The following MAP4K1 variants were observed in gnomAD, a reference collection of about 807,000 sequenced individuals.
MAP4K1 encodes the protein MAPK/ERK kinase kinase kinase 1.
Under a neutral mutation model 122.8 loss-of-function variants are expected in MAP4K1, and 35 were observed. That is an observed-to-expected ratio of 0.29 (90% CI 0.22 to 0.38). MAP4K1 has a LOEUF of 0.38. MAP4K1 is among the 10% of genes least tolerant of loss of function. MAP4K1 has a pLI of 1.00. For synonymous variants in MAP4K1, 412 were observed against 421.3 expected, an observed-to-expected ratio of 0.98 and a Z score of 0.27; for missense variants, 791 against 1,072.6, an observed-to-expected ratio of 0.74 and a Z score of 3.67.
In MAP4K1 at chr19:38,611,270, G is replaced by C. The variant is rs754637464; in HGVS notation, c.701C>G (p.Pro234Arg). The change falls in exon 10 of 31, where the codon CCT (proline) becomes CGT (arginine). Residue 234 changes from proline (P) to arginine (R), a missense_variant. By Grantham distance (103) the Pro-to-Arg change is moderately radical (BLOSUM62 -2). This residue lies in a region of MAP4K1 where 303 missense variants were observed against 344.8 expected (regional missense o/e 0.88). Transcript: ENST00000396857. ...TTTGCCTTTTTCCTTCAGTCGGGGA[G>C]GCTGGTAGCCACTCTTGGTCATGAG... is the stretch of plus-strand genomic sequence containing the variant. Reference protein sequence around the residue: ...LFLMTKSGYQPPRLKEKGKWS... With the variant: ...LFLMTKSGYQRPRLKEKGKWS... The C allele has an allele frequency of 1.2e-6, 2 of 1,613,696 alleles. No individual in the cohort carries two copies. The highest frequency in any genetic ancestry group is 1.7e-5 in the Admixed American group (1 of 60,002).
intron 20 of MAP4K1, among the ~76,000 whole-genome samples, chr19:38,600,403 T>G (rs1022700792): frequency 3.9e-5 from 6 of 152,122 alleles, no homozygotes; most frequent in African/African-American, 1.4e-4. Flanking sequence ...AACTGTCTTC[T>G]GAACCAAACT....
chr19:38,596,296 A>G lies in MAP4K1; in HGVS notation c.2116+16T>C, dbSNP rs921273123. 24 of 1,540,926 alleles carry G rather than the reference A, an allele frequency of 1.6e-5. No individual in the cohort carries two copies. Among genetic ancestry groups the G allele is most frequent in the Non-Finnish European group, 2.0e-5 (23 of 1,141,542 alleles). ...TCTGATAAGCCCCGCCCTCAGCAAG[A>G]CTCCGCCCCACTCACCGGTGCTCAT... On this transcript the variant is annotated intron_variant, in intron 26 of 30. Transcript: ENST00000396857.
rs765844225 is a variant in MAP4K1 at position 38,597,338 on chromosome 19, C to T, written c.1825G>A (p.Ala609Thr). 6.2e-7 allele frequency: 1 copy of T among 1,614,102 alleles called. No homozygotes were observed. The highest frequency in any genetic ancestry group is 1.6e-4 in the Middle Eastern group (1 of 6,062). The change falls in exon 24 of 31, where the codon GCG (alanine) becomes ACG (threonine). Residue 609 changes from alanine (A) to threonine (T), a missense_variant. This residue lies in a region of MAP4K1 where 267 missense variants were observed against 323.0 expected (regional missense o/e 0.83). Coordinates refer to ENST00000396857, the MANE Select transcript of MAP4K1 (RefSeq NM_001042600.3). The surrounding 1 kb of genome is among the most constrained non-coding windows in gnomAD (Gnocchi z 4.6). ...TKIQDTKGCR[A>T]CCVAEGASSG... ...AGCTCTCTCTCACCCACACAGCACG[C>T]CCGGCAGCCTTTGGTGTCCTGGATC...
Position 38,602,510 on chromosome 19 carries a change from G to GTACATATATACGCATA in MAP4K1, c.1447-1001_1447-986dup, listed in dbSNP as rs1423241933. ...TATACATATATACATATATACACGT[G>GTACATATATACGCATA]TACATATATACGCATATACATATAT... On this transcript the variant is annotated intron_variant, in intron 19 of 30. Transcript: ENST00000396857. Among the ~76,000 whole-genome samples the GTACATATATACGCATA allele has an allele frequency of 3.3e-3, 459 of 138,228 alleles. 3 individuals are homozygous for GTACATATATACGCATA. Among genetic ancestry groups the GTACATATATACGCATA allele is most frequent in the African/African-American group, 0.012 (433 of 36,002 alleles). The allele number at this position is 138,228 out of a possible 152,430, so 90.7% of individuals were successfully genotyped here.
rs755666368 is a variant in MAP4K1 at position 38,604,095 on chromosome 19, C to G, written c.1446+1314G>C. Among the ~76,000 whole-genome samples, 5 of 137,592 alleles carry G rather than the reference C, an allele frequency of 3.6e-5. No homozygotes were observed. The Admixed American group carries it at 3.9e-4, about 11-fold the overall frequency. The allele number at this position is 137,592 out of a possible 152,430, so 90.3% of individuals were successfully genotyped here. ...GAGCCATGATCGCGCCACTGCACTC[C>G]AGCAGCCTGGGCGACAGAGCGAGAT... On this transcript the variant is annotated intron_variant, in intron 19 of 30. Transcript: ENST00000396857.
In MAP4K1 at chr19:38,614,378, G is replaced by T. The variant is rs200832039; in HGVS notation, c.369+12C>A. The T allele has an allele frequency of 1.1e-5, 18 of 1,614,200 alleles. No homozygotes were observed. In the African/African-American group the frequency reaches 1.3e-4, roughly 12 times the overall value. ...CCCCTCCCATCCCCAGAATCCCCAGGCCTCTCCTTACCTGGAGCACTTCCC... is the reference window on the plus strand; with the variant it reads ...CCCCTCCCATCCCCAGAATCCCCAGTCCTCTCCTTACCTGGAGCACTTCCC... On this transcript the variant is annotated intron_variant, in intron 5 of 30. Transcript: ENST00000396857.
rs1164375691 is a variant in MAP4K1, at chr19:38,609,901, G to A, written c.927+8C>T. On this transcript the variant is annotated splice_region_variant and intron_variant, in intron 12 of 30. Transcript: ENST00000396857. ...GTCCCCAGTGCTCTTGTCAGCCAAG[G>A]CTCTCACCTCGGGCTCCTCATCCTC... 6.2e-7 allele frequency: 1 copy of A among 1,609,910 alleles called. No individual in the cohort carries two copies.
rs1026051548 is a variant in MAP4K1 at position 38,609,492 on chromosome 19, T to C, written c.1006+104A>G. 3.6e-5 allele frequency: 35 copies of C among 971,470 alleles called. No homozygotes were observed. The African/African-American group carries it at 5.6e-4, about 16-fold the overall frequency. The allele number at this position is 971,470 out of a possible 1,614,324, so 60.2% of individuals were successfully genotyped here. A position where few individuals can be genotyped will look rare whatever the true frequency, so the allele number is the denominator to read the frequency against. On this transcript the variant is annotated intron_variant, in intron 13 of 30. Transcript: ENST00000396857. ...AGATTGTCTGGGGTCTCTTATAGGA[T>C]CAGATGATGCTGAGGGTCTCTGGAG...
chr19:38,588,834 G>T (rs186493271), intron 30 of MAP4K1, among the ~76,000 whole-genome samples: 249 of 151,918 alleles, frequency 1.6e-3, no homozygotes, highest in African/African-American at 5.5e-3. Context: ...CAGGAGGATC[G>T]ATTGAACCTG....
chr19:38,605,302 A>G, intron 19 of MAP4K1, 107 bp downstream of exon 19: 1 of 860,200 alleles, frequency 1.2e-6, no homozygotes, highest in Non-Finnish European at 1.9e-6. Flanking sequence ...GAAGCGCTCA[A>G]CAAATGTCAC....
chr19:38,612,477 C>T (rs1015475718), intron 9 of MAP4K1, 134 bp downstream of exon 9: 5 of 504,746 alleles, frequency 9.9e-6, no homozygotes, highest in South Asian at 9.3e-5. Flanking sequence ...AATAGAGCTG[C>T]AGCACGTGCA....
chr19:38,613,516 C>A (rs1384703659), intron 8 of MAP4K1, among the ~76,000 whole-genome samples: 1 of 151,478 alleles, frequency 6.6e-6, no homozygotes, highest in East Asian at 1.9e-4. Context: ...CAGAGTGAGA[C>A]CCTGTCTCTA....
At chr19:38,612,066 C>A (rs1225505039) in intron 9 of MAP4K1, among the ~76,000 whole-genome samples, 3 of 151,846 alleles carry the variant, frequency 2.0e-5, no homozygotes, top group African/African-American at 7.3e-5. Context: ...CCACTGCACT[C>A]CAGCCTGGGC....
At chr19:38,591,545 AG>A (rs1250848614) in intron 30 of MAP4K1, among the ~76,000 whole-genome samples, 4 of 150,688 alleles carry the variant, frequency 2.7e-5, no homozygotes, top group Non-Finnish European at 4.4e-5. Context: ...AAAAAAAAAA[AG>A]ATCTGGTTAA....
chr19:38,595,745 C>A lies in MAP4K1; in HGVS notation c.2180-16G>T. On this transcript the variant is annotated splice_polypyrimidine_tract_variant and intron_variant, in intron 27 of 30. Coordinates refer to ENST00000396857, the MANE Select transcript of MAP4K1 (RefSeq NM_001042600.3). ...TTCACAGAGCCTGGAAGGAGATAGA[C>A]GGTTTTAAGAACTGTGAGCAAGGCT... 6.3e-7 allele frequency: 1 copy of A among 1,581,620 alleles called. No homozygotes were observed. The highest frequency in any genetic ancestry group is 2.2e-5 in the East Asian group (1 of 44,630).
chr19:38,596,269 G>T, intron 26 of MAP4K1, 43 bp downstream of exon 26: 2 of 1,501,122 alleles, frequency 1.3e-6, no homozygotes. Context: ...CGCCCCTCCG[G>T]ATCTGATAAG....
chr19:38,589,772 A>C (rs541834460), intron 30 of MAP4K1, among the ~76,000 whole-genome samples: 2 of 152,260 alleles, frequency 1.3e-5, no homozygotes, highest in African/African-American at 4.8e-5. Flanking sequence ...ACCCCTGCCT[A>C]TAAGCCCAGC....
At chr19:38,599,543 T>A (rs1179163894) in intron 22 of MAP4K1, among the ~76,000 whole-genome samples, 1 of 151,896 alleles carries the variant, frequency 6.6e-6, no homozygotes, top group East Asian at 1.9e-4. Flanking sequence ...ACACCTGTAA[T>A]TCCAGCTACT....
intron 9 of MAP4K1, 97 bp from the exon 10 acceptor site, chr19:38,611,402 C>A (rs1975495142): frequency 2.5e-6 from 2 of 813,810 alleles, no homozygotes. Flanking sequence ...CAGCAGAGGG[C>A]AAAGTGAGAA....
Sources: gnomAD v4.1 joint callset for allele counts (sites outside exome capture counted in the v4.1 genomes callset) on GRCh38, gnomAD v4.1.1 for gene constraint, gnomAD v4.1.1 regional missense constraint, Gnocchi (gnomAD v3.1) non-coding constraint, MANE v1.5 for transcripts, NCBI Gene and HGNC (gene_info 2026-07-23, HGNC 2026-07-21) for gene names.